The following AUTS2 variants were observed in gnomAD, a reference collection of about 807,000 sequenced individuals.
AUTS2 encodes activator of transcription and developmental regulator AUTS2, also known as autism susceptibility gene 2 protein.
A neutral mutation model predicts 112.4 loss-of-function variants in AUTS2; 17 were observed. The ratio of observed to expected loss-of-function variants is 0.15; its 90% confidence interval spans 0.10 to 0.23. The LOEUF (loss-of-function observed/expected upper bound fraction) is 0.23, where lower values mean the gene tolerates loss of function less well. Among genes scored for constraint, AUTS2 ranks in the 10% least tolerant of loss-of-function variants. AUTS2 has a pLI of 1.00. For synonymous variants in AUTS2, 751 were observed against 702.7 expected (o/e 1.07, Z -1.09); for missense variants, 1,510 against 1,701.6 (o/e 0.89, Z 1.98).
intron 5 of AUTS2, among the ~76,000 whole-genome samples, chr7:70,622,128 G>A (rs1396472779): frequency 6.6e-6 from 1 of 151,948 alleles, no homozygotes; most frequent in Non-Finnish European, 1.5e-5. Context: ...GTGAGCCATT[G>A]CGCCTGGCTA....
At chr7:69,655,323 T>C (rs879887002) in intron 1 of AUTS2, among the ~76,000 whole-genome samples, 1 of 152,232 alleles carries the variant, frequency 6.6e-6, no homozygotes, top group Non-Finnish European at 1.5e-5. Context: ...CTAGGCTCTG[T>C]ATTAATTTGG....
chr7:69,764,114 TAAG>T (rs995793828), intron 1 of AUTS2, among the ~76,000 whole-genome samples: 14 of 152,338 alleles, frequency 9.2e-5, no homozygotes, highest in African/African-American at 2.6e-4. Context: ...GGTAGCCTGA[TAAG>T]AAGGTCAGTT....
intron 4 of AUTS2, among the ~76,000 whole-genome samples, chr7:70,140,148 G>A (rs1806781713): frequency 6.6e-6 from 1 of 152,144 alleles, no homozygotes; most frequent in Non-Finnish European, 1.5e-5. Context: ...TGTATAAGCT[G>A]ATCTAGCAGT....
intron 5 of AUTS2, among the ~76,000 whole-genome samples, chr7:70,650,271 A>G (rs1375777057): frequency 6.6e-6 from 1 of 152,200 alleles, no homozygotes; most frequent in Non-Finnish European, 1.5e-5. Flanking sequence ...CTCCTAAAAC[A>G]GTCACCGTCC....
chr7:70,495,871 C>G (rs1347537730), intron 5 of AUTS2, among the ~76,000 whole-genome samples: 1 of 144,254 alleles, frequency 6.9e-6, no homozygotes, highest in African/African-American at 2.7e-5. Flanking sequence ...ACACGCCCCA[C>G]ACATGCACAT....
At position 69,785,982 on chromosome 7, in the gene AUTS2, C is replaced by T. The variant is rs554142797; in HGVS notation, c.310-113304C>T. Among the ~76,000 whole-genome samples, 126 of 152,298 alleles carry T rather than the reference C, an allele frequency of 8.3e-4. 1 individual carries two copies. Among genetic ancestry groups the T allele is most frequent in the Non-Finnish European group, 1.1e-3 (77 of 68,024 alleles). On this transcript the variant is annotated intron_variant, in intron 1 of 18. Transcript: ENST00000342771. ...AGTAGCTGGGATTACAGGTGCCCGCCACCACGCCCAGCTAATTTTTTTTAT... is the reference window on the plus strand; with the variant it reads ...AGTAGCTGGGATTACAGGTGCCCGCTACCACGCCCAGCTAATTTTTTTTAT...
At chr7:69,632,818 T>G (rs1004911717) in intron 1 of AUTS2, among the ~76,000 whole-genome samples, 2 of 152,116 alleles carry the variant, frequency 1.3e-5, no homozygotes, top group African/African-American at 2.4e-5. Context: ...GTAGTGAACC[T>G]TGAGAGAGGT....
chr7:70,249,760 T>G (rs1413818386), intron 4 of AUTS2, among the ~76,000 whole-genome samples: 3 of 151,930 alleles, frequency 2.0e-5, no homozygotes, highest in African/African-American at 7.3e-5. Flanking sequence ...GTAAGTGGAT[T>G]AGATACATGC....
At chr7:70,481,582 A>G (rs954105643) in intron 5 of AUTS2, among the ~76,000 whole-genome samples, 3 of 152,148 alleles carry the variant, frequency 2.0e-5, no homozygotes, top group East Asian at 1.9e-4. Flanking sequence ...AGCTGGGCCT[A>G]CTGCAGACCT....
At chr7:70,214,201 GT>G (rs1216810029) in intron 4 of AUTS2, among the ~76,000 whole-genome samples, 14 of 152,178 alleles carry the variant, frequency 9.2e-5, no homozygotes, top group Non-Finnish European at 1.6e-4. Context: ...AATTAGGCAA[GT>G]TTATTGACTG....
chr7:69,767,334 G>A (rs1219846472), intron 1 of AUTS2, among the ~76,000 whole-genome samples: 2 of 151,168 alleles, frequency 1.3e-5, no homozygotes, highest in African/African-American at 4.9e-5. Context: ...ACACAACCAT[G>A]CCTGGCTAAT....
chr7:70,484,842 C>T (rs1413374366), intron 5 of AUTS2, among the ~76,000 whole-genome samples: 1 of 152,016 alleles, frequency 6.6e-6, no homozygotes, highest in Admixed American at 6.6e-5. Context: ...AGACAGTTCT[C>T]AAAAAAGATA....
chr7:70,737,046 C>G (rs753859766), intron 6 of AUTS2, among the ~76,000 whole-genome samples: 2 of 152,188 alleles, frequency 1.3e-5, no homozygotes, highest in Non-Finnish European at 2.9e-5. Context: ...GTGACTAAAA[C>G]GTTACTCATA....
intron 3 of AUTS2, chr7:70,118,851 CTGTT>C (rs1805528874): frequency 6.6e-6 from 1 of 152,152 alleles, no homozygotes; most frequent in African/African-American, 2.4e-5. Flanking sequence ...CTTGAGATAT[CTGTT>C]TGCCCTCTAG....
intron 5 of AUTS2, among the ~76,000 whole-genome samples, chr7:70,632,965 G>A (rs962781340): frequency 6.6e-6 from 1 of 151,956 alleles, no homozygotes; most frequent in Non-Finnish European, 1.5e-5. Flanking sequence ...TGTGAGCCAG[G>A]AGCAGTAGGC....
At chr7:69,978,896 ACACACG>A (rs1432751676) in intron 2 of AUTS2, among the ~76,000 whole-genome samples, 319 of 144,168 alleles carry the variant, frequency 2.2e-3, no homozygotes, top group African/African-American at 7.0e-3. Flanking sequence ...ACACACACAC[ACACACG>A]CACACACGCA....
chr7:70,363,465 GAAAAAA>G (rs369462886), intron 4 of AUTS2, among the ~76,000 whole-genome samples: 12 of 110,776 alleles, frequency 1.1e-4, no homozygotes, highest in Non-Finnish European at 2.1e-4. Context: ...ATAAAAAAAA[GAAAAAA>G]AAAAAAAAAA....
At chr7:70,155,924 T>A (rs1284751902) in intron 4 of AUTS2, among the ~76,000 whole-genome samples, 3 of 152,194 alleles carry the variant, frequency 2.0e-5, no homozygotes, top group Non-Finnish European at 4.4e-5. Context: ...AGGCAGGAAG[T>A]GATACCAGTT....
At chr7:70,133,747 A>T (rs1245077885) in intron 3 of AUTS2, among the ~76,000 whole-genome samples, 1 of 152,206 alleles carries the variant, frequency 6.6e-6, no homozygotes, top group African/African-American at 2.4e-5. Context: ...AGAAAAAAAG[A>T]AACAAAAATC....
Sources: allele counts gnomAD v4.1 joint callset (sites outside exome capture counted in the v4.1 genomes callset), GRCh38; gene constraint gnomAD v4.1.1; transcripts MANE v1.5; gene names NCBI Gene and HGNC (gene_info 2026-07-23, HGNC 2026-07-21).